FAM163A: variants seen among roughly 807,000 people sequenced by gnomAD.
FAM163A encodes the protein protein FAM163A.
Under a neutral mutation model 12.0 loss-of-function variants are expected in FAM163A, and 7 were observed. That is an observed-to-expected ratio of 0.58 (90% CI 0.33 to 1.10). The LOEUF (loss-of-function observed/expected upper bound fraction) is 1.10, where lower values mean the gene tolerates loss of function less well. FAM163A is among the 50% of genes least tolerant of loss of function. The pLI, the probability that FAM163A is intolerant of heterozygous loss-of-function variation, is 0.03. For synonymous variants in FAM163A, 101 were observed against 91.0 expected (o/e 1.11, Z -0.62); for missense variants, 202 against 218.6 (o/e 0.92, Z 0.48).
chr1:179,784,305 A>T (rs1022547287), intron 1 of FAM163A, among the ~76,000 whole-genome samples: 1 of 152,168 alleles, frequency 6.6e-6, no homozygotes, highest in Non-Finnish European at 1.5e-5. Flanking sequence ...GTGGTGGAGG[A>T]GGTAAGAGTG....
the FAM163A span, among the ~76,000 whole-genome samples, chr1:179,733,037 G>A: frequency 2.5e-4 from 38 of 152,178 alleles, no homozygotes; most frequent in South Asian, 1.7e-3. Context: ...AGTAAAAAGG[G>A]ATTCTTGGCT....
intron 1 of FAM163A, among the ~76,000 whole-genome samples, chr1:179,803,660 C>G (rs1027766609): frequency 1.3e-5 from 2 of 152,012 alleles, no homozygotes; most frequent in African/African-American, 4.8e-5. Context: ...CCTCCACCTC[C>G]CGGGTTCAAG....
chr1:179,733,178 C>A, the FAM163A span, among the ~76,000 whole-genome samples: 2 of 152,134 alleles, frequency 1.3e-5, no homozygotes, highest in Non-Finnish European at 2.9e-5. Context: ...ACATGTACAA[C>A]CTTAATACAT....
intron 1 of FAM163A, among the ~76,000 whole-genome samples, chr1:179,768,434 A>G (rs1687800707): frequency 6.6e-6 from 1 of 152,190 alleles, no homozygotes; most frequent in South Asian, 2.1e-4. Context: ...GGATTCTGGC[A>G]ACAGCATTTA....
the FAM163A span, among the ~76,000 whole-genome samples, chr1:179,735,495 CTTTTTTTT>C: frequency 1.4e-4 from 9 of 62,184 alleles, no homozygotes; most frequent in Admixed American, 6.8e-4. Flanking sequence ...GAGTTACATT[CTTTTTTTT>C]TTTTTTTTTT....
intron 1 of FAM163A, among the ~76,000 whole-genome samples, chr1:179,745,078 T>A (rs1197392808): frequency 6.6e-6 from 1 of 152,046 alleles, no homozygotes; most frequent in Non-Finnish European, 1.5e-5. Flanking sequence ...TTCTTAGCCT[T>A]CTCTAGGGAG....
chr1:179,774,708 G>A (rs1688708964), intron 1 of FAM163A, among the ~76,000 whole-genome samples: 1 of 152,296 alleles, frequency 6.6e-6, no homozygotes, highest in East Asian at 1.9e-4. Flanking sequence ...GGTTCCCTGT[G>A]GGGTGAGCAT....
intron 1 of FAM163A, chr1:179,803,912 C>T (rs1693554570): frequency 6.7e-6 from 1 of 150,134 alleles, no homozygotes; most frequent in Non-Finnish European, 1.5e-5. Flanking sequence ...CCCACCCAGG[C>T]TAATGCCACA....
At chr1:179,780,133 G>A (rs1233334094) in intron 1 of FAM163A, among the ~76,000 whole-genome samples, 1 of 152,202 alleles carries the variant, frequency 6.6e-6, no homozygotes, top group Non-Finnish European at 1.5e-5. Context: ...ATTCAAGGGA[G>A]AGAGCCCTCT....
intron 1 of FAM163A, among the ~76,000 whole-genome samples, chr1:179,783,735 TGAGCCCAAA>T (rs373339296): frequency 1.5e-5 from 1 of 67,300 alleles, no homozygotes; most frequent in Non-Finnish European, 2.8e-5. Flanking sequence ...TTTATATAAT[TGAGCCCAAA>T]TATTATATAT....
intron 1 of FAM163A, among the ~76,000 whole-genome samples, chr1:179,751,905 A>G (rs1358012571): frequency 2.0e-5 from 3 of 152,198 alleles, no homozygotes; most frequent in Admixed American, 6.5e-5. Context: ...GGCAGATACA[A>G]TGCAATCCCT....
At chr1:179,805,912 A>C (rs546481378) in intron 1 of FAM163A, among the ~76,000 whole-genome samples, 1 of 152,252 alleles carries the variant, frequency 6.6e-6, no homozygotes, top group East Asian at 1.9e-4. Flanking sequence ...TCTCTCTTCC[A>C]GGAGTCTTTT....
intron 1 of FAM163A, among the ~76,000 whole-genome samples, chr1:179,774,983 AAAGC>A (rs1445088710): frequency 2.0e-5 from 3 of 152,206 alleles, no homozygotes; most frequent in Non-Finnish European, 4.4e-5. Flanking sequence ...AACGCACGGC[AAAGC>A]AAGGAAAGAA....
intron 2 of FAM163A, among the ~76,000 whole-genome samples, chr1:179,810,002 G>T (rs923842195): frequency 5.3e-5 from 8 of 152,172 alleles, no homozygotes; most frequent in South Asian, 2.1e-4. Flanking sequence ...GGTACAGCTT[G>T]CTGCCCCCTG....
At chr1:179,806,704 T>C (rs1488569303) in intron 1 of FAM163A, among the ~76,000 whole-genome samples, 1 of 152,370 alleles carries the variant, frequency 6.6e-6, no homozygotes, top group Middle Eastern at 3.4e-3. Context: ...GCCTTTCCTC[T>C]GAGCCAGGGC....
chr1:179,750,447 A>G (rs1685112560), intron 1 of FAM163A, among the ~76,000 whole-genome samples: 1 of 152,208 alleles, frequency 6.6e-6, no homozygotes, highest in Non-Finnish European at 1.5e-5. Context: ...TGATTGAGCT[A>G]AAACCTGAAG....
chr1:179,747,168 A>G (rs1332967573), intron 1 of FAM163A, among the ~76,000 whole-genome samples: 1 of 22,398 alleles, frequency 4.5e-5, no homozygotes, highest in East Asian at 5.2e-4. Context: ...AGATGCTTGG[A>G]AAAAAAAAAA....
At chr1:179,794,714 T>C (rs964020503) in intron 1 of FAM163A, among the ~76,000 whole-genome samples, 1 of 152,152 alleles carries the variant, frequency 6.6e-6, no homozygotes, top group African/African-American at 2.4e-5. Context: ...CTCTGGGAGA[T>C]ACAGAGATAA....
At chr1:179,804,012 G>A (rs1486396267) in intron 1 of FAM163A, 1 of 130,978 alleles carries the variant, frequency 7.6e-6, no homozygotes, top group Non-Finnish European at 1.7e-5. Context: ...GGAAGCCTAA[G>A]AAGAACCCAG....
Sources: allele counts gnomAD v4.1 joint callset (sites outside exome capture counted in the v4.1 genomes callset), GRCh38; gene constraint gnomAD v4.1.1; transcripts MANE v1.5; gene names NCBI Gene and HGNC (gene_info 2026-07-23, HGNC 2026-07-21).